Variants in CTNNA2 observed in about 807,000 individuals in gnomAD.
CTNNA2 encodes the protein catenin alpha 2.
CTNNA2 carries 42 observed loss-of-function variants against 101.0 expected under a neutral mutation model. The ratio of observed to expected loss-of-function variants is 0.42; its 90% CI spans 0.32 to 0.54. CTNNA2 has a LOEUF of 0.54. Among genes scored for constraint, CTNNA2 ranks in the 20% least tolerant of loss-of-function variants. The probability of loss-of-function intolerance (pLI) is 0.14; values close to 1 mark genes in which losing one functional copy is unlikely to be tolerated. For synonymous variants in CTNNA2, 450 were observed against 456.4 expected, an observed-to-expected ratio of 0.99 and a Z score of 0.18; for missense variants, 871 against 1,223.1, an observed-to-expected ratio of 0.71 and a Z score of 4.29.
intron 7 of CTNNA2, among the ~76,000 whole-genome samples, chr2:80,301,201 G>T (rs138070929): frequency 3.6e-4 from 55 of 152,292 alleles, no homozygotes; most frequent in African/African-American, 1.3e-3. Context: ...ATAGAAACTA[G>T]GAATGTGCTG....
intron 3 of CTNNA2, among the ~76,000 whole-genome samples, chr2:79,333,071 G>A (rs1031373074): frequency 3.9e-5 from 6 of 152,142 alleles, no homozygotes; most frequent in Non-Finnish European, 7.4e-5. Context: ...TGAAAGAAAC[G>A]CAACAGACAA....
chr2:79,518,074 G>A (rs75625569), intron 1 of CTNNA2, among the ~76,000 whole-genome samples: 4,034 of 152,238 alleles, frequency 0.026, 66 homozygotes, highest in African/African-American at 0.043. Context: ...TTGCTGCGAT[G>A]TCTACTATAA....
At chr2:79,519,359 T>G (rs1671981189) in intron 1 of CTNNA2, among the ~76,000 whole-genome samples, 1 of 152,118 alleles carries the variant, frequency 6.6e-6, no homozygotes, top group African/African-American at 2.4e-5. Flanking sequence ...AACAGGTATT[T>G]TTTGAAAATA....
At chr2:79,763,580 C>A (rs1672945096) in intron 3 of CTNNA2, among the ~76,000 whole-genome samples, 1 of 152,088 alleles carries the variant, frequency 6.6e-6, no homozygotes, top group South Asian at 2.1e-4. Context: ...CTTATTATTT[C>A]TTATAGTTTT....
At chr2:79,516,988 T>A (rs1447082535) in intron 1 of CTNNA2, among the ~76,000 whole-genome samples, 2 of 152,184 alleles carry the variant, frequency 1.3e-5, no homozygotes, top group Non-Finnish European at 2.9e-5. Context: ...AAGCCCCTTT[T>A]CATTGGTGTC....
upstream of CTNNA2, among the ~76,000 whole-genome samples, chr2:79,510,805 A>G (rs1225201170): frequency 6.6e-6 from 1 of 152,258 alleles, no homozygotes; most frequent in Non-Finnish European, 1.5e-5. Context: ...AATGACTTTT[A>G]AATGTCTCTC....
chr2:79,865,105 C>G (rs1266103356), intron 4 of CTNNA2, among the ~76,000 whole-genome samples: 2 of 152,134 alleles, frequency 1.3e-5, no homozygotes, highest in African/African-American at 4.8e-5. Flanking sequence ...TTGTATAACA[C>G]ACATTGATGC....
intron 18 of CTNNA2, among the ~76,000 whole-genome samples, chr2:80,641,648 C>T (rs970259117): frequency 4.6e-5 from 7 of 152,052 alleles, no homozygotes; most frequent in African/African-American, 1.7e-4. Context: ...TATCTTACCT[C>T]AGGAAGTTCA....
At chr2:80,349,608 A>C (rs569699681) in intron 7 of CTNNA2, among the ~76,000 whole-genome samples, 1 of 151,816 alleles carries the variant, frequency 6.6e-6, no homozygotes, top group African/African-American at 2.4e-5. Context: ...TATTTCTTTA[A>C]CTTCCACTGC....
chr2:79,543,489 A>AAT, intron 1 of CTNNA2, among the ~76,000 whole-genome samples: 1 of 152,184 alleles, frequency 6.6e-6, no homozygotes, highest in East Asian at 1.9e-4. Flanking sequence ...TGCTGGTTAT[A>AAT]AAAGCAGCAG....
rs114720570 is a variant in CTNNA2, at chr2:80,373,864, C to T, written c.1057-19347C>T. Among the ~76,000 whole-genome samples the T allele has an allele frequency of 4.2e-3, 644 of 152,162 alleles. 5 individuals are homozygous for T. The highest frequency in any genetic ancestry group is 0.014 in the African/African-American group (598 of 41,506). ...TGCTGTGAAATACTGAAGAGCTTTC[C>T]GAGAATTCACACAAGAGATTTCTGG... On this transcript the variant is annotated intron_variant, in intron 7 of 18. Coordinates refer to ENST00000402739, the MANE Select transcript of CTNNA2 (RefSeq NM_001282597.3).
At chr2:79,610,866 G>A (rs988995954) in intron 1 of CTNNA2, among the ~76,000 whole-genome samples, 3 of 152,040 alleles carry the variant, frequency 2.0e-5, no homozygotes, top group Non-Finnish European at 4.4e-5. Context: ...CTAGAATAAA[G>A]TTGTTAAAAA....
At chr2:80,372,232 T>A (rs934876909) in intron 7 of CTNNA2, among the ~76,000 whole-genome samples, 7 of 152,108 alleles carry the variant, frequency 4.6e-5, no homozygotes, top group Non-Finnish European at 1.0e-4. Flanking sequence ...GACTATAGGA[T>A]GGATGCTGTG....
intron 9 of CTNNA2, 38 bp downstream of exon 9, chr2:80,419,639 T>G (rs200944761): frequency 1.8e-5 from 29 of 1,608,332 alleles, no homozygotes; most frequent in Admixed American, 8.4e-5. Flanking sequence ...AGTTTACCGA[T>G]GGGTTCAATC....
chr2:80,384,884 C>A (rs755073917), intron 7 of CTNNA2, among the ~76,000 whole-genome samples: 4 of 151,998 alleles, frequency 2.6e-5, no homozygotes, highest in Non-Finnish European at 5.9e-5. Flanking sequence ...ATTTTAAGAT[C>A]TCTGGTTTAA....
chr2:79,327,519 A>G (rs1392880774), intron 3 of CTNNA2, among the ~76,000 whole-genome samples: 1 of 152,210 alleles, frequency 6.6e-6, no homozygotes, highest in Non-Finnish European at 1.5e-5. Context: ...TAATTTCATT[A>G]GATATCCAAC....
At chr2:79,409,472 T>C (rs1678381989) in intron 4 of CTNNA2, among the ~76,000 whole-genome samples, 1 of 152,112 alleles carries the variant, frequency 6.6e-6, no homozygotes, top group Non-Finnish European at 1.5e-5. Context: ...GAATTAATTT[T>C]TGTATAAGGT....
chr2:79,421,636 G>C (rs1678541448), intron 4 of CTNNA2, among the ~76,000 whole-genome samples: 1 of 152,134 alleles, frequency 6.6e-6, no homozygotes, highest in East Asian at 1.9e-4. Flanking sequence ...ACTTGATTTG[G>C]TATCGGTTTA....
At chr2:79,795,493 G>C (rs1046065598) in intron 3 of CTNNA2, among the ~76,000 whole-genome samples, 1 of 151,876 alleles carries the variant, frequency 6.6e-6, no homozygotes, top group African/African-American at 2.4e-5. Context: ...TAAGAAAAAT[G>C]TAATTAATAA....
Sources: gnomAD v4.1 joint callset for allele counts (sites outside exome capture counted in the v4.1 genomes callset) on GRCh38, gnomAD v4.1.1 for gene constraint, MANE v1.5 for transcripts, NCBI Gene and HGNC (gene_info 2026-07-23, HGNC 2026-07-21) for gene names.